Variants in SDK1 observed in about 807,000 individuals in gnomAD.
SDK1 encodes sidekick cell adhesion molecule 1.
A neutral mutation model predicts 245.5 loss-of-function variants in SDK1; 157 were observed. The ratio of observed to expected loss-of-function variants is 0.64; its 90% CI spans 0.56 to 0.73. The LOEUF is 0.73. Ranked by LOEUF, SDK1 falls within the 30% of genes least tolerant of loss-of-function variation. The pLI is 0.00. For missense variants in SDK1, 3,583 were observed against 3,002.3 expected (o/e 1.19, Z -4.52); for synonymous variants, 1,647 against 1,278.5 (o/e 1.29, Z -6.15).
chr7:3,749,179 T>G (rs1381087703), intron 4 of SDK1, among the ~76,000 whole-genome samples: 1 of 151,918 alleles, frequency 6.6e-6, no homozygotes, highest in African/African-American at 2.4e-5. Context: ...CTCTGTCACC[T>G]AGGCTGGAGT....
At chr7:3,341,853 C>G (rs944868359) in intron 1 of SDK1, among the ~76,000 whole-genome samples, 3 of 152,190 alleles carry the variant, frequency 2.0e-5, no homozygotes, top group Non-Finnish European at 2.9e-5. Flanking sequence ...TCAGTTCTCC[C>G]TGAATTATCG....
chr7:3,726,366 A>G (rs890689828), intron 4 of SDK1, among the ~76,000 whole-genome samples: 2 of 152,248 alleles, frequency 1.3e-5, no homozygotes, highest in African/African-American at 4.8e-5. Context: ...TAGGCAAACA[A>G]TGAAATTTAA....
At chr7:3,480,872 C>G (rs1466467784) in intron 1 of SDK1, among the ~76,000 whole-genome samples, 6 of 152,206 alleles carry the variant, frequency 3.9e-5, no homozygotes, top group Non-Finnish European at 7.3e-5. Context: ...GCCAGTGACG[C>G]TGGCATCGGA....
intron 1 of SDK1, among the ~76,000 whole-genome samples, chr7:3,572,757 A>T (rs1290023104): frequency 6.6e-6 from 1 of 152,044 alleles, no homozygotes; most frequent in African/African-American, 2.4e-5. Context: ...CCTTCACAGG[A>T]CTTTCACTTA....
At chr7:3,517,821 A>AT (rs1782801569) in intron 1 of SDK1, among the ~76,000 whole-genome samples, 1 of 152,182 alleles carries the variant, frequency 6.6e-6, no homozygotes. Context: ...ACATAAGACC[A>AT]TTTTAATACC....
At chr7:4,150,986 C>T (rs1056338991) in intron 30 of SDK1, among the ~76,000 whole-genome samples, 2 of 152,216 alleles carry the variant, frequency 1.3e-5, no homozygotes, top group Admixed American at 6.5e-5. Flanking sequence ...GTGACGGGCT[C>T]TCAGGTGTCT....
chr7:3,869,326 T>C (rs1355998978), intron 5 of SDK1, among the ~76,000 whole-genome samples: 2 of 151,956 alleles, frequency 1.3e-5, no homozygotes, highest in African/African-American at 4.8e-5. Flanking sequence ...CAGCTAATTT[T>C]TGTATTTTTA....
chr7:4,111,332 C>T (rs570556573), intron 23 of SDK1, among the ~76,000 whole-genome samples: 5 of 152,210 alleles, frequency 3.3e-5, no homozygotes, highest in Admixed American at 6.5e-5. Flanking sequence ...GATCACTTCC[C>T]GTAAGGCCTT....
intron 4 of SDK1, among the ~76,000 whole-genome samples, chr7:3,718,401 G>A (rs1785264499): frequency 6.6e-6 from 1 of 151,804 alleles, no homozygotes. Flanking sequence ...CAGATACATG[G>A]TGGGCCTAAG....
chr7:3,392,341 C>G (rs966131271), intron 1 of SDK1, among the ~76,000 whole-genome samples: 2 of 152,066 alleles, frequency 1.3e-5, no homozygotes, highest in African/African-American at 4.8e-5. Context: ...TATTGAAACT[C>G]AAATTGTCAA....
intron 38 of SDK1, among the ~76,000 whole-genome samples, chr7:4,217,559 A>AACCACACCACCTGGAGC (rs1784901428): frequency 1.8e-5 from 1 of 55,206 alleles, no homozygotes; most frequent in African/African-American, 6.3e-5. Context: ...CCACCCGGAG[A>AACCACACCACCTGGAGC]ACCACACCAC....
rs1344579276 is a variant in SDK1, at chr7:3,961,964, CAT to C, written c.1235-691_1235-690del. On this transcript the variant is annotated intron_variant, in intron 8 of 44. Coordinates refer to ENST00000404826, the MANE Select transcript of SDK1 (RefSeq NM_152744.4). The stretch of plus-strand genomic sequence containing the variant: ...ACACGCACATGTATACGCATACACA[CAT>C]AAACACATGCACATATATGCACAAA... Among the ~76,000 whole-genome samples, 546 of 151,952 alleles carry C rather than the reference CAT, an allele frequency of 3.6e-3. 5 individuals are homozygous for C. The highest frequency in any genetic ancestry group is 0.012 in the African/African-American group (505 of 41,330).
intron 14 of SDK1, among the ~76,000 whole-genome samples, chr7:3,990,816 T>C (rs895626184): frequency 1.3e-5 from 2 of 152,230 alleles, no homozygotes; most frequent in Non-Finnish European, 2.9e-5. Context: ...CCTTCCCCCG[T>C]TTCCATGAAA....
intron 1 of SDK1, among the ~76,000 whole-genome samples, chr7:3,332,699 T>G (rs1479686043): frequency 6.6e-6 from 1 of 152,132 alleles, no homozygotes; most frequent in Non-Finnish European, 1.5e-5. Context: ...TGTCATAATG[T>G]GCTGTAGGGG....
intron 1 of SDK1, among the ~76,000 whole-genome samples, chr7:3,586,503 C>T (rs1040713393): frequency 6.6e-6 from 1 of 151,300 alleles, no homozygotes; most frequent in Non-Finnish European, 1.5e-5. Context: ...CGAGACCATC[C>T]TGGCTAACAC....
chr7:4,129,258 G>C (rs1264297993), intron 26 of SDK1, among the ~76,000 whole-genome samples: 2 of 143,286 alleles, frequency 1.4e-5, no homozygotes, highest in Non-Finnish European at 3.1e-5. Context: ...TGCCCTGGAG[G>C]AGAGCAACTT....
chr7:3,418,145 G>GCAAAAAAAGAAAAA (rs1292199670), intron 1 of SDK1, among the ~76,000 whole-genome samples: 1 of 119,726 alleles, frequency 8.4e-6, no homozygotes. Flanking sequence ...TACTAAAAAT[G>GCAAAAAAAGAAAAA]AAAAAAAAAA....
intron 17 of SDK1, among the ~76,000 whole-genome samples, chr7:4,041,669 C>T (rs907318934): frequency 7.2e-6 from 1 of 138,628 alleles, no homozygotes; most frequent in Non-Finnish European, 1.5e-5. Context: ...TGACCTTTTC[C>T]AAAATGTCAT....
At chr7:3,569,611 A>G (rs1053605961) in intron 1 of SDK1, among the ~76,000 whole-genome samples, 14 of 152,182 alleles carry the variant, frequency 9.2e-5, no homozygotes, top group African/African-American at 3.4e-4. Flanking sequence ...CTTCAAGGCA[A>G]TTTTCACTTC....
Sources: gnomAD v4.1 joint callset for allele counts (sites outside exome capture counted in the v4.1 genomes callset) on GRCh38, gnomAD v4.1.1 for gene constraint, MANE v1.5 for transcripts, NCBI Gene and HGNC (gene_info 2026-07-23, HGNC 2026-07-21) for gene names.